Variants in ABTB3 observed in about 807,000 individuals in gnomAD.
The protein encoded by ABTB3 is ankyrin repeat and BTB domain containing 3, also known as ankyrin repeat- and BTB/POZ domain-containing protein 3.
the ABTB3 span, among the ~76,000 whole-genome samples, chr12:107,478,807 A>C: frequency 9.5e-3 from 1,449 of 152,060 alleles, 35 homozygotes; most frequent in African/African-American, 0.033. Context: ...CTTGCCCTGA[A>C]TGAGAAGGAT....
chr12:107,604,705 G>A, the ABTB3 span, among the ~76,000 whole-genome samples: 2 of 152,242 alleles, frequency 1.3e-5, no homozygotes, highest in Non-Finnish European at 2.9e-5. Flanking sequence ...AAACAGAACA[G>A]AAATTCCTCA....
the ABTB3 span, chr12:107,649,215 C>G: frequency 1.2e-6 from 2 of 1,612,514 alleles, no homozygotes; most frequent in Non-Finnish European, 1.7e-6. Flanking sequence ...GCTGGTTATG[C>G]AGTATCTCTA....
chr12:107,495,763 C>T, the ABTB3 span, among the ~76,000 whole-genome samples: 1 of 152,222 alleles, frequency 6.6e-6, no homozygotes, highest in Admixed American at 6.5e-5. Flanking sequence ...AGCACCCAAG[C>T]CCTGGGTCTC....
At chr12:107,527,154 T>A in the ABTB3 span, among the ~76,000 whole-genome samples, 2 of 151,756 alleles carry the variant, frequency 1.3e-5, no homozygotes, top group African/African-American at 4.8e-5. Context: ...CCCTATTCCC[T>A]CTTCTGCCTT....
chr12:107,368,421 A>C, the ABTB3 span, among the ~76,000 whole-genome samples: 2 of 152,152 alleles, frequency 1.3e-5, no homozygotes, highest in African/African-American at 4.8e-5. Context: ...GACACTGGAA[A>C]TATTTGGTGA....
the ABTB3 span, among the ~76,000 whole-genome samples, chr12:107,383,999 T>C: frequency 6.6e-6 from 1 of 152,086 alleles, no homozygotes; most frequent in Admixed American, 6.5e-5. Flanking sequence ...CACCTATCCA[T>C]CCACCCAGTA....
the ABTB3 span, among the ~76,000 whole-genome samples, chr12:107,348,041 A>G: frequency 6.6e-6 from 1 of 152,078 alleles, no homozygotes; most frequent in Non-Finnish European, 1.5e-5. Flanking sequence ...ATGGGTTTTG[A>G]AAGATGAATA....
the ABTB3 span, among the ~76,000 whole-genome samples, chr12:107,515,973 G>C: frequency 6.6e-6 from 1 of 151,830 alleles, no homozygotes; most frequent in Non-Finnish European, 1.5e-5. Flanking sequence ...CTCACATGTA[G>C]TAAGGGTCAC....
chr12:107,626,341 A>ATTTTTTTTTTTTTTTTTTTTTT, the ABTB3 span, among the ~76,000 whole-genome samples: 1 of 107,866 alleles, frequency 9.3e-6, no homozygotes, highest in African/African-American at 3.7e-5. Flanking sequence ...TACTATCGTC[A>ATTTTTTTTTTTTTTTTTTTTTT]TCTTTTTTTT....
At chr12:107,642,506 G>T in the ABTB3 span, among the ~76,000 whole-genome samples, 1 of 152,108 alleles carries the variant, frequency 6.6e-6, no homozygotes, top group Non-Finnish European at 1.5e-5. Context: ...CTCGAGGCGT[G>T]AGCCAACATG....
the ABTB3 span, among the ~76,000 whole-genome samples, chr12:107,628,496 G>A: frequency 7.9e-5 from 12 of 152,144 alleles, 1 homozygote; most frequent in Admixed American, 5.2e-4. Context: ...CAGTGTCCCT[G>A]AAAGTAACAG....
At chr12:107,350,421 G>C in the ABTB3 span, among the ~76,000 whole-genome samples, 1 of 151,884 alleles carries the variant, frequency 6.6e-6, no homozygotes, top group Non-Finnish European at 1.5e-5. Flanking sequence ...GGCGTGGTGG[G>C]GGGCGCCGGT....
At chr12:107,617,085 G>A in the ABTB3 span, 1 of 1,613,898 alleles carries the variant, frequency 6.2e-7, no homozygotes, top group Non-Finnish European at 8.5e-7. Flanking sequence ...CTCTTCCTCT[G>A]CAGCTCCTCC....
the ABTB3 span, among the ~76,000 whole-genome samples, chr12:107,498,251 C>T: frequency 2.2e-4 from 34 of 152,226 alleles, no homozygotes; most frequent in Non-Finnish European, 4.3e-4. Context: ...AGGCAAAGGC[C>T]GAGGAAGGTG....
the ABTB3 span, among the ~76,000 whole-genome samples, chr12:107,562,037 T>A: frequency 6.6e-6 from 1 of 152,230 alleles, no homozygotes; most frequent in African/African-American, 2.4e-5. Context: ...TCTTTTCTCA[T>A]GCTTTTCACA....
chr12:107,489,607 T>C, the ABTB3 span, among the ~76,000 whole-genome samples: 1 of 152,080 alleles, frequency 6.6e-6, no homozygotes, highest in Non-Finnish European at 1.5e-5. Context: ...GCTATCAGAA[T>C]AGTACAGAAT....
chr12:107,431,919 A>G, the ABTB3 span, among the ~76,000 whole-genome samples: 1 of 152,114 alleles, frequency 6.6e-6, no homozygotes, highest in Non-Finnish European at 1.5e-5. Context: ...CGTCCAGGGA[A>G]TTGAGGCCCT....
the ABTB3 span, among the ~76,000 whole-genome samples, chr12:107,482,769 C>T: frequency 6.6e-6 from 1 of 151,202 alleles, no homozygotes; most frequent in East Asian, 1.9e-4. Context: ...TGCTTGCTTG[C>T]CTTCCTCCCT....
the ABTB3 span, among the ~76,000 whole-genome samples, chr12:107,566,841 A>C: frequency 6.6e-6 from 1 of 152,192 alleles, no homozygotes; most frequent in Non-Finnish European, 1.5e-5. Context: ...CACATCTGTA[A>C]TTCCAGCACA....
Sources: allele counts gnomAD v4.1 joint callset (sites outside exome capture counted in the v4.1 genomes callset), GRCh38; gene constraint gnomAD v4.1.1; transcripts MANE v1.5; gene names NCBI Gene and HGNC (gene_info 2026-07-23, HGNC 2026-07-21).